Variants in PDZD2 observed in about 807,000 individuals in gnomAD.
PDZD2 encodes PDZ domain containing 2.
In PDZD2, 90 loss-of-function variants were observed where a neutral mutation model predicts 220.7. That is an observed-to-expected ratio of 0.41 (90% CI 0.34 to 0.49). The LOEUF is 0.49. PDZD2 is among the 20% of genes least tolerant of loss of function. The pLI, the probability that PDZD2 is intolerant of heterozygous loss-of-function variation, is 0.28. For synonymous variants in PDZD2, 1,375 were observed against 1,450.5 expected (o/e 0.95, Z 1.18); for missense variants, 3,174 against 3,608.5 (o/e 0.88, Z 3.08).
At position 31,885,436 on chromosome 5, in the gene PDZD2, A is replaced by G. The variant is rs1365667345; in HGVS notation, c.476+85712A>G. On this transcript the variant is annotated intron_variant, in intron 2 of 24. Coordinates refer to ENST00000438447, the MANE Select transcript of PDZD2 (RefSeq NM_178140.4). ...TCTTTGACCCAGAAATTGTACTTCTAGAATTGTGTTCTAAAGAAGTACTTG... is the reference window on the plus strand; with the variant it reads ...TCTTTGACCCAGAAATTGTACTTCTGGAATTGTGTTCTAAAGAAGTACTTG... 2.0e-5 allele frequency among the ~76,000 whole-genome samples: 3 copies of G among 152,316 alleles called. No individual in the cohort carries two copies. In the East Asian group the frequency reaches 5.8e-4, roughly 29 times the overall value.
chr5:31,908,478 C>T, intron 2 of PDZD2: 1 of 986,658 alleles, frequency 1.0e-6, no homozygotes, highest in Non-Finnish European at 1.5e-6. Context: ...GAGAGGGTAA[C>T]ACTGATGACT....
intron 7 of PDZD2, among the ~76,000 whole-genome samples, chr5:32,039,438 G>A (rs111311454): frequency 6.7e-6 from 1 of 149,864 alleles, no homozygotes; most frequent in Non-Finnish European, 1.5e-5. Context: ...ATGCAGTGGC[G>A]TAATCTCAGC....
Position 32,014,706 on chromosome 5 carries a change from C to CTTTTTTTTTTTTTTTTTTTTTT in PDZD2, c.1407+4231_1407+4252dup, listed in dbSNP as rs556276502. 9.0e-4 allele frequency among the ~76,000 whole-genome samples: 86 copies of CTTTTTTTTTTTTTTTTTTTTTT among 95,430 alleles called. 21 individuals carry two copies. Among genetic ancestry groups the CTTTTTTTTTTTTTTTTTTTTTT allele is most frequent in the African/African-American group, 3.8e-3 (86 of 22,906 alleles). 62.6% of individuals were successfully genotyped at this position (95,430 alleles called of 152,430 possible). A position where few individuals can be genotyped will look rare whatever the true frequency, so the allele number is the denominator to read the frequency against. On this transcript the variant is annotated intron_variant, in intron 6 of 24. Coordinates refer to ENST00000438447, the MANE Select transcript of PDZD2 (RefSeq NM_178140.4). ...ATTTTCTGCTCTGCAATGACAATTT[C>CTTTTTTTTTTTTTTTTTTTTTT]TTTTTTTTTTTTTTTTTTTTTTTTT... is the stretch of plus-strand genomic sequence containing the variant.
intron 3 of PDZD2, among the ~76,000 whole-genome samples, chr5:31,990,339 T>C (rs1176401704): frequency 6.6e-6 from 1 of 152,248 alleles, no homozygotes; most frequent in Non-Finnish European, 1.5e-5. Flanking sequence ...ACGCAGTAAT[T>C]GGCAGTTTAC....
intron 5 of PDZD2, among the ~76,000 whole-genome samples, chr5:32,001,187 T>G (rs1752076953): frequency 6.6e-6 from 1 of 152,072 alleles, no homozygotes; most frequent in Non-Finnish European, 1.5e-5. Flanking sequence ...ACTGCAGTGT[T>G]AGGGGATGGA....
intron 1 of PDZD2, among the ~76,000 whole-genome samples, chr5:31,720,550 C>T (rs1271972064): frequency 6.6e-6 from 1 of 152,204 alleles, no homozygotes; most frequent in Non-Finnish European, 1.5e-5. Context: ...TTTTATGTGA[C>T]ACGGGAGCCT....
chr5:32,104,362 A>ATT (rs1243352634), intron 24 of PDZD2, among the ~76,000 whole-genome samples: 5 of 147,014 alleles, frequency 3.4e-5, no homozygotes, highest in African/African-American at 1.2e-4. Flanking sequence ...ATAATAAAGA[A>ATT]TTTTTTTTTT....
Position 32,003,374 on chromosome 5 carries a change from C to A in PDZD2, c.1254+3103C>A, listed in dbSNP as rs1298916173. Among the ~76,000 whole-genome samples, 13 of 76,368 alleles carry A rather than the reference C, an allele frequency of 1.7e-4. No individual in the cohort carries two copies. The East Asian group carries it at 4.5e-3, about 26-fold the overall frequency. 50.1% of individuals were successfully genotyped at this position (76,368 alleles called of 152,430 possible). A position where few individuals can be genotyped will look rare whatever the true frequency, so the allele number is the denominator to read the frequency against. On this transcript the variant is annotated intron_variant, in intron 5 of 24. Coordinates refer to ENST00000438447, the MANE Select transcript of PDZD2 (RefSeq NM_178140.4). ...ACCACACACCACACCACACACACAC[C>A]ACACACACACCCACACACACCACAC...
chr5:32,057,860 T>C lies in PDZD2; in HGVS notation c.1975-18T>C, dbSNP rs1442896988. 6.3e-7 allele frequency: 1 copy of C among 1,583,174 alleles called. No individual in the cohort carries two copies. The highest frequency in any genetic ancestry group is 2.2e-5 in the East Asian group (1 of 44,740). ...CATTCCAAATGTTTCAGCCCACCTT[T>C]CCTCACTGTTTTCTCAGCAAATCCG... On this transcript the variant is annotated intron_variant, in intron 11 of 24. Transcript: ENST00000438447.
chr5:31,877,401 T>C (rs557934715), intron 2 of PDZD2, among the ~76,000 whole-genome samples: 81 of 152,124 alleles, frequency 5.3e-4, no homozygotes, highest in African/African-American at 1.9e-3. Context: ...GGATTTTTGG[T>C]AGAGATGGGA....
intron 2 of PDZD2, chr5:31,822,765 G>T: frequency 9.7e-7 from 1 of 1,034,842 alleles, no homozygotes; most frequent in Non-Finnish European, 1.4e-6. Flanking sequence ...TCCAAATCCT[G>T]CAGATGTATT....
At position 32,000,620 on chromosome 5, in the gene PDZD2, C is replaced by T. The variant is rs143269382; in HGVS notation, c.1254+349C>T. ...CCACCTTCCGGATTCAAGCAGTTCT[C>T]CTGCCTCAGCCTCCCAAGTAGCTAG... On this transcript the variant is annotated intron_variant, in intron 5 of 24. Transcript: ENST00000438447. This position sits in a 1 kb window ranked among gnomAD's most constrained non-coding sequence, Gnocchi z 4.5. Among the ~76,000 whole-genome samples the T allele has an allele frequency of 9.5e-3, 1,448 of 152,272 alleles. 22 individuals carry two copies. Among genetic ancestry groups the T allele is most frequent in the African/African-American group, 0.033 (1,350 of 41,538 alleles).
chr5:32,003,464 A>AC (rs112975127), intron 5 of PDZD2, among the ~76,000 whole-genome samples: 73 of 49,576 alleles, frequency 1.5e-3, no homozygotes, highest in Non-Finnish European at 2.0e-3. Flanking sequence ...ACACACACCC[A>AC]CCCCCCCCAC....
At chr5:31,702,602 C>A (rs532293688) in intron 1 of PDZD2, among the ~76,000 whole-genome samples, 1 of 152,272 alleles carries the variant, frequency 6.6e-6, no homozygotes, top group Admixed American at 6.5e-5. Context: ...TCTCTCTTTT[C>A]TTTGCAAAAT....
chr5:31,811,788 G>A (rs1755126517), intron 2 of PDZD2, among the ~76,000 whole-genome samples: 1 of 151,954 alleles, frequency 6.6e-6, no homozygotes, highest in Non-Finnish European at 1.5e-5. Flanking sequence ...TCAGGAGTTG[G>A]AGACCAACCT....
rs542420995 is a variant in PDZD2 at position 31,923,274 on chromosome 5, T to C, written c.477-59881T>C. On this transcript the variant is annotated intron_variant, in intron 2 of 24. Coordinates refer to ENST00000438447, the MANE Select transcript of PDZD2 (RefSeq NM_178140.4). ...GTGAAACTCCATCTCAATAAATAAA[T>C]AGATAAGTAAAAATAAAAATAACTT... The C allele has an allele frequency of 7.3e-6, 4 of 546,768 alleles. No individual in the cohort carries two copies. The South Asian group carries it at 7.9e-5, about 11-fold the overall frequency. 33.9% of individuals were successfully genotyped at this position (546,768 alleles called of 1,614,324 possible). A position where few individuals can be genotyped will look rare whatever the true frequency, so the allele number is the denominator to read the frequency against.
intron 15 of PDZD2, among the ~76,000 whole-genome samples, chr5:32,070,261 G>A (rs950554745): frequency 6.6e-6 from 1 of 152,184 alleles, no homozygotes; most frequent in African/African-American, 2.4e-5. Flanking sequence ...TGCTACCTGG[G>A]AGGAAAAGGA....
chr5:32,046,265 C>T (rs1430997577), intron 7 of PDZD2, among the ~76,000 whole-genome samples: 3 of 151,792 alleles, frequency 2.0e-5, no homozygotes, highest in Non-Finnish European at 4.4e-5. Flanking sequence ...TTTTTTGAGA[C>T]AGTCTCTCAC....
intron 1 of PDZD2, among the ~76,000 whole-genome samples, chr5:31,714,326 T>C (rs1363684914): frequency 2.0e-5 from 3 of 152,210 alleles, no homozygotes; most frequent in Non-Finnish European, 4.4e-5. Flanking sequence ...TGATTCCTAA[T>C]GCTGTATCTG....
Sources: gnomAD v4.1 joint callset for allele counts (sites outside exome capture counted in the v4.1 genomes callset) on GRCh38, gnomAD v4.1.1 for gene constraint, Gnocchi (gnomAD v3.1) non-coding constraint, MANE v1.5 for transcripts, NCBI Gene and HGNC (gene_info 2026-07-23, HGNC 2026-07-21) for gene names.